The following SAMD5 variants were observed in gnomAD, a reference collection of about 807,000 sequenced individuals.
SAMD5 encodes the protein sterile alpha motif domain containing 5.
A neutral mutation model predicts 11.3 loss-of-function variants in SAMD5; 13 were observed. The ratio of observed to expected loss-of-function variants is 1.15; its 90% confidence interval spans 0.75 to 1.83. SAMD5 has a LOEUF of 1.83. Among genes scored for constraint, SAMD5 ranks in the 40% most tolerant of loss-of-function variants. The pLI is 0.00. For missense variants in SAMD5, 255 were observed against 239.1 expected (o/e 1.07, Z -0.44); for synonymous variants, 129 against 111.3 (o/e 1.16, Z -1.00).
At chr6:147,870,792 A>C in the SAMD5 span, among the ~76,000 whole-genome samples, 2 of 112,882 alleles carry the variant, frequency 1.8e-5, no homozygotes, top group African/African-American at 6.9e-5. Context: ...AAAAGAAAAA[A>C]GGGAAGAGGG....
intron 1 of SAMD5, among the ~76,000 whole-genome samples, chr6:147,660,289 G>A (rs1450930467): frequency 6.6e-6 from 1 of 152,184 alleles, no homozygotes; most frequent in Non-Finnish European, 1.5e-5. Context: ...AGTCATGGAT[G>A]TTGTCTGTAT....
chr6:147,694,502 T>G (rs1791147368), intron 1 of SAMD5, among the ~76,000 whole-genome samples: 1 of 152,200 alleles, frequency 6.6e-6, no homozygotes, highest in East Asian at 1.9e-4. Flanking sequence ...AAAATTCTAC[T>G]GGTGAAAATA....
At chr6:147,620,662 G>C (rs1160797704) in intron 1 of SAMD5, among the ~76,000 whole-genome samples, 1 of 152,186 alleles carries the variant, frequency 6.6e-6, no homozygotes, top group African/African-American at 2.4e-5. Context: ...CCAAAGAAGA[G>C]CTTTCTCACT....
At chr6:147,802,162 A>G in the SAMD5 span, among the ~76,000 whole-genome samples, 1 of 152,200 alleles carries the variant, frequency 6.6e-6, no homozygotes, top group Non-Finnish European at 1.5e-5. Context: ...GTATTTTTCA[A>G]GGGACGTGTA....
At chr6:147,512,423 G>A (rs1242609471) in intron 1 of SAMD5, among the ~76,000 whole-genome samples, 1 of 152,186 alleles carries the variant, frequency 6.6e-6, no homozygotes, top group Non-Finnish European at 1.5e-5. Context: ...TAGGGAGAGT[G>A]AGTCTCTTAC....
chr6:147,565,962 C>T lies in SAMD5; in HGVS notation c.*1506C>T, dbSNP rs1200767905. The T allele has an allele frequency of 2.0e-6, 2 of 984,738 alleles. No homozygotes were observed. The highest frequency in any genetic ancestry group is 2.4e-6 in the Non-Finnish European group (2 of 829,506). 61.0% of individuals were successfully genotyped at this position (984,738 alleles called of 1,614,324 possible). ...ACAAGATGTAAGTTCCCATCGGCAC[C>T]GTCATGGTAAGAAGAATAAGAAACT... On this transcript the variant is annotated 3_prime_UTR_variant, in exon 2 of 2. Transcript: ENST00000367474.
At chr6:147,699,780 A>G (rs952336357) in intron 1 of SAMD5, among the ~76,000 whole-genome samples, 9 of 152,182 alleles carry the variant, frequency 5.9e-5, no homozygotes, top group African/African-American at 1.4e-4. Flanking sequence ...TCAGGGTGTA[A>G]TTTACATGAC....
At chr6:147,534,050 T>C (rs970251414) in intron 1 of SAMD5, among the ~76,000 whole-genome samples, 1 of 143,912 alleles carries the variant, frequency 6.9e-6, no homozygotes, top group Non-Finnish European at 1.5e-5. Context: ...GCCTAGCCCA[T>C]AAGGAGGGCC....
At chr6:147,849,021 A>T in the SAMD5 span, among the ~76,000 whole-genome samples, 2 of 151,866 alleles carry the variant, frequency 1.3e-5, no homozygotes, top group Non-Finnish European at 2.9e-5. Context: ...CAACTCCTCA[A>T]CTCTGCTGTT....
chr6:147,572,543 G>A (rs186797245), downstream of SAMD5, among the ~76,000 whole-genome samples: 203 of 152,116 alleles, frequency 1.3e-3, 1 homozygote, highest in African/African-American at 4.6e-3. Flanking sequence ...TGGTATGATC[G>A]TGGCTCACTG....
the SAMD5 span, among the ~76,000 whole-genome samples, chr6:147,920,049 G>A: frequency 2.6e-5 from 4 of 152,178 alleles, no homozygotes; most frequent in Non-Finnish European, 4.4e-5. Context: ...TAGCCAAACT[G>A]TTTGTGATGG....
At chr6:147,809,872 A>G in the SAMD5 span, among the ~76,000 whole-genome samples, 1 of 152,218 alleles carries the variant, frequency 6.6e-6, no homozygotes, top group Non-Finnish European at 1.5e-5. Context: ...GTCTCCAGAC[A>G]GTGCCAAATG....
chr6:147,878,921 A>AT, the SAMD5 span, among the ~76,000 whole-genome samples: 176 of 152,060 alleles, frequency 1.2e-3, 2 homozygotes, highest in African/African-American at 3.7e-3. Flanking sequence ...TGACCAGCTA[A>AT]TTTTTTGTAT....
At chr6:147,916,450 A>C in the SAMD5 span, among the ~76,000 whole-genome samples, 3 of 151,742 alleles carry the variant, frequency 2.0e-5, no homozygotes, top group African/African-American at 7.3e-5. Flanking sequence ...CCATTCTAAC[A>C]GGTGTGAGAT....
At chr6:147,810,242 T>C in the SAMD5 span, among the ~76,000 whole-genome samples, 1 of 152,356 alleles carries the variant, frequency 6.6e-6, no homozygotes, top group African/African-American at 2.4e-5. Flanking sequence ...TTCAGAGATA[T>C]TAGTATCAGT....
At chr6:147,816,145 T>G in the SAMD5 span, among the ~76,000 whole-genome samples, 4 of 150,908 alleles carry the variant, frequency 2.7e-5, no homozygotes, top group African/African-American at 9.7e-5. Flanking sequence ...CTAGGTGTGG[T>G]GGCGCGCGCC....
intron 1 of SAMD5, among the ~76,000 whole-genome samples, chr6:147,665,055 T>G (rs1478010015): frequency 3.3e-5 from 5 of 152,214 alleles, no homozygotes; most frequent in Non-Finnish European, 7.4e-5. Flanking sequence ...TTTGCTCTGT[T>G]ACAGTGGAAA....
At chr6:147,879,231 T>G in the SAMD5 span, among the ~76,000 whole-genome samples, 639 of 152,372 alleles carry the variant, frequency 4.2e-3, 5 homozygotes, top group African/African-American at 0.014. Flanking sequence ...ATTTCACAAC[T>G]GCTTCTGCGC....
At chr6:147,520,479 T>A (rs946015870) in intron 1 of SAMD5, among the ~76,000 whole-genome samples, 8 of 152,210 alleles carry the variant, frequency 5.3e-5, no homozygotes, top group African/African-American at 1.9e-4. Flanking sequence ...TAACAAAATT[T>A]GAAAACTATT....
Sources: gnomAD v4.1 joint callset for allele counts (sites outside exome capture counted in the v4.1 genomes callset) on GRCh38, gnomAD v4.1.1 for gene constraint, MANE v1.5 for transcripts, NCBI Gene and HGNC (gene_info 2026-07-23, HGNC 2026-07-21) for gene names.